Variants in ACSL3 observed in about 807,000 individuals in gnomAD.
ACSL3 encodes fatty acid CoA ligase Acsl3.
In ACSL3, 34 loss-of-function variants were observed where a neutral mutation model predicts 84.7. The ratio of observed to expected loss-of-function variants is 0.40; its 90% CI spans 0.31 to 0.53. ACSL3 has a LOEUF of 0.53. Among genes scored for constraint, ACSL3 ranks in the 20% least tolerant of loss-of-function variants. The pLI, the probability that ACSL3 is intolerant of heterozygous loss-of-function variation, is 0.48. For missense variants in ACSL3, 680 were observed against 873.1 expected, an observed-to-expected ratio of 0.78 and a Z score of 2.79; for synonymous variants, 315 against 299.4, an observed-to-expected ratio of 1.05 and a Z score of -0.54.
At chr2:222,900,320 C>T (rs1331263443) in intron 2 of ACSL3, among the ~76,000 whole-genome samples, 1 of 152,108 alleles carries the variant, frequency 6.6e-6, no homozygotes, top group Non-Finnish European at 1.5e-5. Context: ...GTACTTTCTC[C>T]TTCTCGGCCC....
intron 1 of ACSL3, among the ~76,000 whole-genome samples, chr2:222,876,755 A>G (rs747043412): frequency 9.3e-5 from 14 of 150,184 alleles, no homozygotes; most frequent in Non-Finnish European, 1.5e-4. Context: ...AAAGCAGAGA[A>G]AAAAAAAAAG....
In ACSL3 at chr2:222,942,123, A is replaced by T. The variant is rs1697327687; in HGVS notation, c.*469A>T. 4.9e-6 allele frequency: 1 copy of T among 206,028 alleles called. No individual in the cohort carries two copies. Among genetic ancestry groups the T allele is most frequent in the Non-Finnish European group, 9.9e-6 (1 of 100,556 alleles). The allele number at this position is 206,028 out of a possible 1,614,324, so 12.8% of individuals were successfully genotyped here. ...GAAATTATGTAAATTTCAAATGCTT[A>T]TGAATCAAATCATTGTTGAACAAAA... On this transcript the variant is annotated 3_prime_UTR_variant, in exon 17 of 17. Transcript: ENST00000357430.
chr2:222,907,818 C>T lies in ACSL3; in HGVS notation c.-40-915C>T, dbSNP rs145709995. ...CACACAATGGCTGTTCCCCTCTGCC[C>T]GGAGTGCTCTTTCTTACCCAAATAG... On this transcript the variant is annotated intron_variant, in intron 3 of 16. Coordinates refer to ENST00000357430, the MANE Select transcript of ACSL3 (RefSeq NM_004457.5). 1.9e-3 allele frequency among the ~76,000 whole-genome samples: 289 copies of T among 152,000 alleles called. 2 individuals are homozygous for T. Among genetic ancestry groups the T allele is most frequent in the Non-Finnish European group, 5.0e-4 (34 of 67,984 alleles).
At chr2:222,907,719 C>G (rs562588522) in intron 3 of ACSL3, among the ~76,000 whole-genome samples, 1 of 148,854 alleles carries the variant, frequency 6.7e-6, no homozygotes, top group Non-Finnish European at 1.5e-5. Context: ...GAGCTATAAT[C>G]TTGTACTGTA....
In ACSL3 at chr2:222,889,454, C is replaced by T. The variant is rs149166950; in HGVS notation, c.-148+1566C>T. ...CTTGGGAAACCCAGTGTCTTGAATC[C>T]CGAAACTTAGAACTCAACCTTTTCA... On this transcript the variant is annotated intron_variant, in intron 2 of 16. Transcript: ENST00000357430. 2.2e-3 allele frequency among the ~76,000 whole-genome samples: 333 copies of T among 152,260 alleles called. 2 individuals carry two copies. The highest frequency in any genetic ancestry group is 7.6e-3 in the African/African-American group (317 of 41,532).
At chr2:222,890,251 G>T (rs1695812946) in intron 2 of ACSL3, among the ~76,000 whole-genome samples, 1 of 152,128 alleles carries the variant, frequency 6.6e-6, no homozygotes, top group Non-Finnish European at 1.5e-5. Context: ...GGGCTTTTGG[G>T]GGTGGGAAGG....
intron 2 of ACSL3, among the ~76,000 whole-genome samples, chr2:222,893,483 C>CTGCCAATTTTGGGTTGAGTTACCATGT (rs1183513988): frequency 4.6e-5 from 7 of 152,178 alleles, no homozygotes; most frequent in African/African-American, 1.7e-4. Context: ...TTTCACAGGT[C>CTGCCAATTTTGGGTTGAGTTACCATGT]TGCCAATTTT....
intron 8 of ACSL3, 139 bp from the exon 9 acceptor site, chr2:222,922,569 T>TCTCTCA (rs1239008374): frequency 7.8e-6 from 8 of 1,023,504 alleles, no homozygotes; most frequent in Non-Finnish European, 1.1e-5. Context: ...TCTCTCTCTC[T>TCTCTCA]CACAAACACA....
Position 222,943,302 on chromosome 2 carries a change from A to G in ACSL3, c.*1648A>G, listed in dbSNP as rs1390015506. The stretch of plus-strand genomic sequence containing the variant: ...TGCTTTTCTCTTTTCATAATTAAAT[A>G]TTAATGTTTGGGATAACTGCCAAGA... On this transcript the variant is annotated 3_prime_UTR_variant, in exon 17 of 17. Coordinates refer to ENST00000357430, the MANE Select transcript of ACSL3 (RefSeq NM_004457.5). 5.1e-6 allele frequency: 1 copy of G among 195,626 alleles called. No individual in the cohort carries two copies. Among genetic ancestry groups the G allele is most frequent in the Non-Finnish European group, 1.1e-5 (1 of 94,232 alleles). 12.1% of individuals were successfully genotyped at this position (195,626 alleles called of 1,614,324 possible). A position where few individuals can be genotyped will look rare whatever the true frequency, so the allele number is the denominator to read the frequency against.
At chr2:222,867,052 C>G (rs1482789551) in intron 1 of ACSL3, among the ~76,000 whole-genome samples, 3 of 151,980 alleles carry the variant, frequency 2.0e-5, no homozygotes, top group African/African-American at 7.3e-5. Context: ...CCAGGCTGGT[C>G]TCTAACTCCT....
chr2:222,868,532 A>G (rs924130139), intron 1 of ACSL3, among the ~76,000 whole-genome samples: 20 of 152,238 alleles, frequency 1.3e-4, no homozygotes, highest in African/African-American at 3.9e-4. Flanking sequence ...ACAGACATCT[A>G]TGCCTCAAGG....
At chr2:222,903,185 C>T (rs1043969732) in intron 3 of ACSL3, among the ~76,000 whole-genome samples, 2 of 152,098 alleles carry the variant, frequency 1.3e-5, no homozygotes, top group Admixed American at 6.5e-5. Context: ...TGGCCCAGGC[C>T]GGAGTGCAGT....
intron 16 of ACSL3, among the ~76,000 whole-genome samples, chr2:222,938,285 C>T (rs1697225980): frequency 6.6e-6 from 1 of 152,016 alleles, no homozygotes; most frequent in Non-Finnish European, 1.5e-5. Flanking sequence ...TTTTGTGTTA[C>T]TGTTTGTTTT....
At chr2:222,941,167 C>T (rs1181577154) in intron 16 of ACSL3, among the ~76,000 whole-genome samples, 4 of 152,084 alleles carry the variant, frequency 2.6e-5, no homozygotes, top group Non-Finnish European at 2.9e-5. Flanking sequence ...TGGCCTCAAG[C>T]GATCCTCCTG....
At chr2:222,908,113 C>T (rs79904989) in intron 3 of ACSL3, among the ~76,000 whole-genome samples, 11,236 of 152,304 alleles carry the variant, frequency 0.074, 511 homozygotes, top group Middle Eastern at 0.13. Context: ...AGAACGATAT[C>T]TAACATAGTG....
At chr2:222,936,069 T>G (rs1328119680) in intron 16 of ACSL3, among the ~76,000 whole-genome samples, 7 of 152,248 alleles carry the variant, frequency 4.6e-5, no homozygotes, top group Admixed American at 4.6e-4. Context: ...TTATTCATAT[T>G]GTACCATGTG....
chr2:222,870,238 T>C (rs73063609), intron 1 of ACSL3, among the ~76,000 whole-genome samples: 5,576 of 152,248 alleles, frequency 0.037, 272 homozygotes, highest in African/African-American at 0.11. Flanking sequence ...GTGCCATATT[T>C]ATTTCTTAGG....
At chr2:222,922,029 G>T (rs1002354913) in intron 8 of ACSL3, among the ~76,000 whole-genome samples, 2 of 152,110 alleles carry the variant, frequency 1.3e-5, no homozygotes, top group African/African-American at 2.4e-5. Context: ...AATTGCTATG[G>T]TACTGAACTT....
At chr2:222,902,201 T>A (rs549837818) in intron 3 of ACSL3, among the ~76,000 whole-genome samples, 1 of 152,292 alleles carries the variant, frequency 6.6e-6, no homozygotes, top group Admixed American at 6.5e-5. Flanking sequence ...TGTAAGATAA[T>A]GTTATGTAAT....
Sources: gnomAD v4.1 joint callset for allele counts (sites outside exome capture counted in the v4.1 genomes callset) on GRCh38, gnomAD v4.1.1 for gene constraint, MANE v1.5 for transcripts, NCBI Gene and HGNC (gene_info 2026-07-23, HGNC 2026-07-21) for gene names.